Variants in DAB2 observed in about 807,000 individuals in gnomAD.
DAB2 encodes disabled homolog 2.
DAB2 carries 28 observed loss-of-function variants against 71.6 expected under a neutral mutation model. The observed-to-expected ratio is 0.39, with a 90% confidence interval of 0.29 to 0.54. DAB2 has a LOEUF of 0.54. Among genes scored for constraint, DAB2 ranks in the 20% least tolerant of loss-of-function variants. DAB2 has a pLI of 0.68. For synonymous variants in DAB2, 345 were observed against 339.7 expected (o/e 1.02, Z -0.17); for missense variants, 867 against 928.8 (o/e 0.93, Z 0.86).
chr5:39,399,574 G>A (rs1357690372), intron 1 of DAB2, among the ~76,000 whole-genome samples: 3 of 151,914 alleles, frequency 2.0e-5, no homozygotes, highest in Non-Finnish European at 2.9e-5. Flanking sequence ...TTGGATTTTG[G>A]ACTTAATGCA....
chr5:39,388,449 G>C, intron 8 of DAB2, 82 bp from the exon 9 acceptor site: 3 of 969,912 alleles, frequency 3.1e-6, no homozygotes, highest in Non-Finnish European at 4.9e-6. Flanking sequence ...GTTTCCTAAA[G>C]TTTAGGAAAG....
chr5:39,393,250 T>C lies in DAB2; in HGVS notation c.231+4A>G, dbSNP rs1408257853. On this transcript the variant is annotated splice_donor_region_variant and intron_variant, in intron 3 of 14. Coordinates refer to ENST00000320816, the MANE Select transcript of DAB2 (RefSeq NM_001343.4). ...TACAGATAAAGCATTCATTTCCCTT[T>C]TACCTTTAGTTTCATCATAGAGTCT... 2 of 1,613,654 alleles carry C rather than the reference T, an allele frequency of 1.2e-6. No individual in the cohort carries two copies. The highest frequency in any genetic ancestry group is 1.7e-6 in the Non-Finnish European group (2 of 1,179,772).
chr5:39,390,010 C>A, intron 5 of DAB2, 78 bp from the exon 6 acceptor site: 2 of 1,074,388 alleles, frequency 1.9e-6, no homozygotes, highest in South Asian at 3.4e-5. Context: ...AATTATAATT[C>A]ATACTGGGAT....
intron 14 of DAB2, among the ~76,000 whole-genome samples, chr5:39,374,549 A>C: frequency 6.6e-6 from 1 of 152,214 alleles, no homozygotes; most frequent in East Asian, 1.9e-4. Context: ...ACTAACTTTG[A>C]GATTGCTCAC....
intron 2 of DAB2, 64 bp from the exon 3 acceptor site, chr5:39,393,457 G>A (rs548104797): frequency 6.6e-7 from 1 of 1,524,464 alleles, no homozygotes; most frequent in African/African-American, 1.4e-5. Context: ...ATATGCTCTA[G>A]ACTCTCCAAA....
At position 39,374,973 on chromosome 5, in the gene DAB2, C is replaced by T. The variant is rs1754786820; in HGVS notation, c.*5+41G>A. ...CTTTATTCCATGTCACCCTTTCTCA[C>T]AAAAACCCCTGAGACAGGCTTATTA... On this transcript the variant is annotated intron_variant, in intron 14 of 14. Coordinates refer to ENST00000320816, the MANE Select transcript of DAB2 (RefSeq NM_001343.4). 4 of 1,326,406 alleles carry T rather than the reference C, an allele frequency of 3.0e-6. No individual in the cohort carries two copies. In the South Asian group the frequency reaches 4.9e-5, roughly 16 times the overall value. The allele number at this position is 1,326,406 out of a possible 1,614,324, so 82.2% of individuals were successfully genotyped here. A position where few individuals can be genotyped will look rare whatever the true frequency, so the allele number is the denominator to read the frequency against.
At chr5:39,376,621 A>G (rs1754836902) in intron 12 of DAB2, 29 bp downstream of exon 12, 1 of 1,605,680 alleles carries the variant, frequency 6.2e-7, no homozygotes, top group Admixed American at 1.7e-5. Flanking sequence ...TAGTTGTTGG[A>G]ACAGTAGGCA....
At chr5:39,397,152 A>G (rs1473048504) in intron 1 of DAB2, among the ~76,000 whole-genome samples, 1 of 152,162 alleles carries the variant, frequency 6.6e-6, no homozygotes, top group Non-Finnish European at 1.5e-5. Flanking sequence ...TCCAGCAGCA[A>G]GAGTTTCTTC....
At position 39,389,925 on chromosome 5, in the gene DAB2, G is replaced by T; in HGVS notation, c.470C>A (p.Pro157Gln). Reference protein sequence around the residue: ...FAIKTGQQAEPLVVDLKDLFQ... With the variant: ...FAIKTGQQAEQLVVDLKDLFQ... Reference sequence around the variant, plus strand: ...AAGGTCTTTAAGATCAACAACTAATGGTTCAGCCTGCAGTAAGGGAAAGCA... The same window carrying T: ...AAGGTCTTTAAGATCAACAACTAATTGTTCAGCCTGCAGTAAGGGAAAGCA... The change falls in exon 6 of 15, where the codon CCA (proline) becomes CAA (glutamine). Residue 157 changes from proline to glutamine, a missense_variant. Pro to Gln is a moderately conservative substitution (Grantham distance 76). Transcript: ENST00000320816. The T allele has an allele frequency of 1.3e-6, 2 of 1,586,136 alleles. No homozygotes were observed. Among genetic ancestry groups the T allele is most frequent in the South Asian group, 1.1e-5 (1 of 87,954 alleles).
At position 39,380,654 on chromosome 5, in the gene DAB2, C is replaced by A. The variant is rs370381052; in HGVS notation, c.1504+800G>T. On this transcript the variant is annotated intron_variant, in intron 11 of 14. Transcript: ENST00000320816. ...TATGGACTAAGAATAGCAAGGCCAG[C>A]CCTCAGTCAAGTGGACTTTCCCACT... is the stretch of plus-strand genomic sequence containing the variant. Among the ~76,000 whole-genome samples, 16 of 152,296 alleles carry A rather than the reference C, an allele frequency of 1.1e-4. 1 individual carries two copies. The highest frequency in any genetic ancestry group is 3.8e-4 in the African/African-American group (16 of 41,570).
rs1025606188 is a variant in DAB2, at chr5:39,422,408, A to G, written c.-102+2396T>C. Among the ~76,000 whole-genome samples the G allele has an allele frequency of 6.6e-6, 1 of 152,234 alleles. No homozygotes were observed. Among genetic ancestry groups the G allele is most frequent in the Non-Finnish European group, 1.5e-5 (1 of 68,040 alleles). ...GGGCTCACTCTCAGCAGCTTTCCCAAGCATTTCAGCATCTTGGCTTTGTCT... is the reference window on the plus strand; with the variant it reads ...GGGCTCACTCTCAGCAGCTTTCCCAGGCATTTCAGCATCTTGGCTTTGTCT... On this transcript the variant is annotated intron_variant, in intron 1 of 14. Coordinates refer to ENST00000320816, the MANE Select transcript of DAB2 (RefSeq NM_001343.4). This position sits in a 1 kb window ranked among gnomAD's most constrained non-coding sequence, Gnocchi z 4.1.
intron 5 of DAB2, 110 bp from the exon 6 acceptor site, chr5:39,390,042 C>T (rs1356742115): frequency 1.3e-6 from 1 of 752,598 alleles, no homozygotes. Flanking sequence ...TCTTAAAACG[C>T]CTTACTACCC....
chr5:39,394,866 G>T (rs563687152), intron 1 of DAB2, among the ~76,000 whole-genome samples: 3 of 152,316 alleles, frequency 2.0e-5, no homozygotes, highest in Non-Finnish European at 4.4e-5. Context: ...TATAAAGGCA[G>T]TGACTAGAGT....
chr5:39,373,843 A>T (rs1754756415), intron 14 of DAB2, among the ~76,000 whole-genome samples: 1 of 152,200 alleles, frequency 6.6e-6, no homozygotes, highest in Non-Finnish European at 1.5e-5. Flanking sequence ...TAAGACTTCT[A>T]GCTCTTAAAT....
chr5:39,391,677 A>G (rs1245267903), intron 4 of DAB2, among the ~76,000 whole-genome samples: 4 of 152,222 alleles, frequency 2.6e-5, no homozygotes, highest in Non-Finnish European at 1.5e-5. Context: ...CATTGAGTAC[A>G]GAAAAAAAAT....
intron 5 of DAB2, 137 bp from the exon 6 acceptor site, chr5:39,390,069 G>A (rs1755191051): frequency 3.1e-6 from 2 of 648,826 alleles, no homozygotes; most frequent in African/African-American, 1.9e-5. Flanking sequence ...GGCTTATAGG[G>A]GATCACCACC....
intron 1 of DAB2, among the ~76,000 whole-genome samples, chr5:39,400,187 C>T (rs905468270): frequency 6.6e-6 from 1 of 151,708 alleles, no homozygotes; most frequent in African/African-American, 2.4e-5. Context: ...ATACCAACCA[C>T]TAAGAACACT....
intron 1 of DAB2, among the ~76,000 whole-genome samples, chr5:39,396,233 G>A (rs941539126): frequency 6.6e-6 from 1 of 152,110 alleles, no homozygotes; most frequent in African/African-American, 2.4e-5. Flanking sequence ...TATTTAAAAC[G>A]ACATACCTGC....
At chr5:39,415,167 AT>A (rs1272939313) in intron 1 of DAB2, among the ~76,000 whole-genome samples, 1 of 152,204 alleles carries the variant, frequency 6.6e-6, no homozygotes, top group Non-Finnish European at 1.5e-5. Flanking sequence ...TGAAGGGTTA[AT>A]AACCCTCTTC....
Sources: allele counts gnomAD v4.1 joint callset (sites outside exome capture counted in the v4.1 genomes callset), GRCh38; gene constraint gnomAD v4.1.1; non-coding constraint Gnocchi (gnomAD v3.1); transcripts MANE v1.5; gene names NCBI Gene and HGNC (gene_info 2026-07-23, HGNC 2026-07-21).